The following GPC6 variants were observed in gnomAD, a reference collection of about 807,000 sequenced individuals.
GPC6 encodes glypican 6.
In GPC6, 14 loss-of-function variants were observed where a neutral mutation model predicts 55.2. That is an observed-to-expected ratio of 0.25 (90% CI 0.17 to 0.40). The LOEUF is 0.40. GPC6 is among the 10% of genes least tolerant of loss of function. The probability of loss-of-function intolerance (pLI) is 1.00; values close to 1 mark genes in which losing one functional copy is unlikely to be tolerated. For synonymous variants in GPC6, 278 were observed against 259.6 expected (o/e 1.07, Z -0.68); for missense variants, 641 against 708.5 (o/e 0.90, Z 1.08).
In GPC6 at chr13:94,382,426, A is replaced by G; in HGVS notation, c.1165A>G (p.Lys389Glu). The G allele has an allele frequency of 6.2e-7, 1 of 1,614,170 alleles. No homozygotes were observed. Among genetic ancestry groups the G allele is most frequent in the South Asian group, 1.1e-5 (1 of 91,084 alleles). Residue 389 changes from lysine to glutamate, a missense_variant, in exon 7 of 9, where the codon AAA becomes GAA. Lys to Glu is a moderately conservative substitution (Grantham distance 56). Transcript: ENST00000377047. The stretch of plus-strand genomic sequence containing the variant: ...GTTTCTTGATCAGGTCACAGACATA[A>G]AAGAGAAATTGAAGCTCTCTAAAAA... The part of the protein sequence containing the change: ...TSLDRLVTDI[K>E]EKLKLSKKVW...
chr13:94,150,312 T>G (rs1324015123), intron 4 of GPC6, among the ~76,000 whole-genome samples: 1 of 152,102 alleles, frequency 6.6e-6, no homozygotes, highest in Non-Finnish European at 1.5e-5. Context: ...ACTGATATCC[T>G]TTTCCCCCCT....
intron 6 of GPC6, among the ~76,000 whole-genome samples, chr13:94,336,393 G>A (rs528518513): frequency 1.2e-4 from 19 of 152,258 alleles, no homozygotes; most frequent in African/African-American, 4.3e-4. Flanking sequence ...AGTTGTGGCT[G>A]CCAGTGATTC....
chr13:93,442,241 G>T (rs897473737), intron 1 of GPC6, among the ~76,000 whole-genome samples: 1 of 152,104 alleles, frequency 6.6e-6, no homozygotes, highest in Admixed American at 6.6e-5. Context: ...AAGGAGTTTA[G>T]GAAGATTTTC....
intron 4 of GPC6, among the ~76,000 whole-genome samples, chr13:94,272,636 T>C (rs922338688): frequency 3.3e-5 from 5 of 151,442 alleles, no homozygotes; most frequent in Non-Finnish European, 7.4e-5. Flanking sequence ...GCCCGGCTAA[T>C]TTTTTGTATT....
chr13:93,618,705 G>A (rs1878826103), intron 2 of GPC6, among the ~76,000 whole-genome samples: 1 of 151,944 alleles, frequency 6.6e-6, no homozygotes. Context: ...AACTCTACTA[G>A]GATTTATTGA....
At chr13:93,912,596 A>T (rs915402397) in intron 3 of GPC6, among the ~76,000 whole-genome samples, 1 of 152,226 alleles carries the variant, frequency 6.6e-6, no homozygotes, top group Admixed American at 6.5e-5. Context: ...ACAAAAAATT[A>T]GCCTGGTGTG....
At chr13:93,723,230 G>T (rs1883511588) in intron 2 of GPC6, among the ~76,000 whole-genome samples, 1 of 151,924 alleles carries the variant, frequency 6.6e-6, no homozygotes, top group African/African-American at 2.4e-5. Context: ...TTTTACTGAT[G>T]AAGATGAGAA....
intron 2 of GPC6, among the ~76,000 whole-genome samples, chr13:93,783,456 A>G (rs1885720670): frequency 6.6e-6 from 1 of 152,028 alleles, no homozygotes; most frequent in African/African-American, 2.4e-5. Flanking sequence ...AACAGTGTAA[A>G]AGCGTTCCTG....
intron 2 of GPC6, among the ~76,000 whole-genome samples, chr13:93,638,847 TGTAA>T (rs968411339): frequency 6.6e-6 from 1 of 152,174 alleles, no homozygotes; most frequent in South Asian, 2.1e-4. Context: ...TTAATAATGT[TGTAA>T]GTTTTATTTC....
At chr13:93,778,084 C>A (rs1486846161) in intron 2 of GPC6, among the ~76,000 whole-genome samples, 2 of 152,146 alleles carry the variant, frequency 1.3e-5, no homozygotes, top group Non-Finnish European at 2.9e-5. Context: ...GATGTCATTT[C>A]ATTTCCTAGC....
chr13:94,266,934 T>C (rs908563111), intron 4 of GPC6, among the ~76,000 whole-genome samples: 1 of 152,248 alleles, frequency 6.6e-6, no homozygotes, highest in Non-Finnish European at 1.5e-5. Flanking sequence ...TCAAAAGTTA[T>C]ACTAACATGA....
intron 4 of GPC6, among the ~76,000 whole-genome samples, chr13:94,171,993 A>C (rs972266501): frequency 2.3e-4 from 35 of 152,176 alleles, no homozygotes; most frequent in African/African-American, 8.2e-4. Context: ...GAGCATTTTC[A>C]ATTTTTTTTT....
intron 4 of GPC6, among the ~76,000 whole-genome samples, chr13:94,195,715 T>C (rs920639012): frequency 6.6e-6 from 1 of 152,206 alleles, no homozygotes; most frequent in Non-Finnish European, 1.5e-5. Flanking sequence ...GGTGTGCAAA[T>C]GTGGCTCCTG....
At chr13:94,108,391 G>A (rs1389834935) in intron 4 of GPC6, among the ~76,000 whole-genome samples, 3 of 152,128 alleles carry the variant, frequency 2.0e-5, no homozygotes, top group African/African-American at 7.2e-5. Flanking sequence ...AAAAGGGTGG[G>A]AAGGGGACGA....
intron 1 of GPC6, among the ~76,000 whole-genome samples, chr13:93,267,664 T>C (rs1877369542): frequency 6.6e-6 from 1 of 152,176 alleles, no homozygotes; most frequent in South Asian, 2.1e-4. Context: ...TTCAGAATTG[T>C]AGGACTAAGA....
At chr13:94,225,668 C>CATATATATATATATAT (rs1355465459) in intron 4 of GPC6, among the ~76,000 whole-genome samples, 18 of 97,494 alleles carry the variant, frequency 1.8e-4, no homozygotes, top group African/African-American at 5.7e-4. Context: ...GTAAAGTATA[C>CATATATATATATATAT]ACATATATAT....
Position 94,407,092 on chromosome 13 carries a change from T to C in GPC6, c.*3875T>C, listed in dbSNP as rs1297291044. ...CACATTCTGGAGACTTGCTATATCA[T>C]GGTTTGCTATGGCACAGACTCAGCT... On this transcript the variant is annotated 3_prime_UTR_variant, in exon 9 of 9. Coordinates refer to ENST00000377047, the MANE Select transcript of GPC6 (RefSeq NM_005708.5). The C allele has an allele frequency of 4.6e-5, 7 of 152,122 alleles. No individual in the cohort carries two copies. Among genetic ancestry groups the C allele is most frequent in the African/African-American group, 1.7e-4 (7 of 41,444 alleles). 9.4% of individuals were successfully genotyped at this position (152,122 alleles called of 1,614,324 possible). A position where few individuals can be genotyped will look rare whatever the true frequency, so the allele number is the denominator to read the frequency against.
At chr13:94,056,640 T>C (rs1471730971) in intron 4 of GPC6, among the ~76,000 whole-genome samples, 2 of 152,182 alleles carry the variant, frequency 1.3e-5, no homozygotes, top group African/African-American at 2.4e-5. Context: ...CTTGTTAAGA[T>C]ACACAAATCT....
chr13:93,989,944 ATTCTT>A (rs1200968815), intron 3 of GPC6, among the ~76,000 whole-genome samples: 25 of 148,750 alleles, frequency 1.7e-4, no homozygotes, highest in Middle Eastern at 3.6e-3. Context: ...ATATATATAT[ATTCTT>A]TTCTTTGTAT....
Sources: allele counts gnomAD v4.1 joint callset (sites outside exome capture counted in the v4.1 genomes callset), GRCh38; gene constraint gnomAD v4.1.1; transcripts MANE v1.5; gene names NCBI Gene and HGNC (gene_info 2026-07-23, HGNC 2026-07-21).